WDR70: variants seen among roughly 807,000 people sequenced by gnomAD.
WDR70 encodes WD repeat-containing protein 70.
In WDR70, 53 loss-of-function variants were observed where a neutral mutation model predicts 88.6. The observed-to-expected ratio is 0.60, with a 90% CI of 0.48 to 0.75. The LOEUF (loss-of-function observed/expected upper bound fraction) is 0.75, where lower values mean the gene tolerates loss of function less well. Ranked by LOEUF, WDR70 falls within the 30% of genes least tolerant of loss-of-function variation. WDR70 has a pLI of 0.00. For synonymous variants in WDR70, 280 were observed against 270.0 expected, an observed-to-expected ratio of 1.04 and a Z score of -0.36; for missense variants, 610 against 823.2, an observed-to-expected ratio of 0.74 and a Z score of 3.17.
intron 9 of WDR70, among the ~76,000 whole-genome samples, chr5:37,521,868 C>T (rs938991144): frequency 3.3e-5 from 5 of 152,096 alleles, no homozygotes; most frequent in African/African-American, 1.2e-4. Flanking sequence ...ACTTCTTTTC[C>T]TCTGGATAGA....
chr5:37,528,819 T>G (rs752831687), intron 9 of WDR70, among the ~76,000 whole-genome samples: 11 of 152,092 alleles, frequency 7.2e-5, no homozygotes, highest in Non-Finnish European at 1.6e-4. Context: ...TTAGTTTAAT[T>G]GAGTCCCATT....
intron 8 of WDR70, among the ~76,000 whole-genome samples, chr5:37,493,820 A>G (rs1381872598): frequency 6.8e-5 from 10 of 146,034 alleles, no homozygotes; most frequent in Admixed American, 3.7e-4. Context: ...TTTGGGTAGG[A>G]GGAAGGAATA....
chr5:37,494,779 G>C (rs1192038495), intron 8 of WDR70, among the ~76,000 whole-genome samples: 1 of 152,244 alleles, frequency 6.6e-6, no homozygotes, highest in Non-Finnish European at 1.5e-5. Context: ...TCAGAATTGA[G>C]TAGGCCAAGG....
chr5:37,676,932 G>T (rs1451395291), intron 10 of WDR70, among the ~76,000 whole-genome samples: 2 of 152,204 alleles, frequency 1.3e-5, no homozygotes, highest in African/African-American at 4.8e-5. Context: ...GGTCTATTGA[G>T]AGATTCAGCT....
chr5:37,726,114 T>C (rs1193853285), intron 16 of WDR70, among the ~76,000 whole-genome samples: 1 of 152,176 alleles, frequency 6.6e-6, no homozygotes, highest in Non-Finnish European at 1.5e-5. Flanking sequence ...TGGATCCATC[T>C]CTTTCATAAA....
At chr5:37,497,506 T>C (rs1475461674) in intron 8 of WDR70, among the ~76,000 whole-genome samples, 83 of 66,734 alleles carry the variant, frequency 1.2e-3, no homozygotes, top group South Asian at 4.4e-3. Context: ...TCTTCCCGTC[T>C]CTTCCCTCTT....
At chr5:37,633,956 C>A (rs1744889286) in intron 10 of WDR70, among the ~76,000 whole-genome samples, 1 of 151,926 alleles carries the variant, frequency 6.6e-6, no homozygotes. Context: ...AGACTTGGAC[C>A]AAGTGATTCT....
intron 8 of WDR70, among the ~76,000 whole-genome samples, chr5:37,485,860 T>G (rs1212626041): frequency 2.2e-4 from 3 of 13,606 alleles, no homozygotes; most frequent in Admixed American, 1.0e-3. Flanking sequence ...CCTGGCTAAT[T>G]TTTTTTTTTT....
intron 10 of WDR70, among the ~76,000 whole-genome samples, chr5:37,619,475 A>G (rs749313197): frequency 3.9e-5 from 6 of 152,172 alleles, no homozygotes; most frequent in Non-Finnish European, 5.9e-5. Context: ...GCTATGATTT[A>G]TTTTGTAAGT....
chr5:37,750,531 C>T (rs2112749338), intron 17 of WDR70, among the ~76,000 whole-genome samples: 1 of 152,244 alleles, frequency 6.6e-6, no homozygotes, highest in South Asian at 2.1e-4. Flanking sequence ...AAGACCCTGT[C>T]TCTAAAAAAA....
At chr5:37,562,825 G>T (rs1400168021) in intron 9 of WDR70, among the ~76,000 whole-genome samples, 1 of 140,338 alleles carries the variant, frequency 7.1e-6, no homozygotes, top group Non-Finnish European at 1.6e-5. Flanking sequence ...AGAACAAAAT[G>T]AAAAGTCTCC....
chr5:37,683,453 T>TA (rs1746497403), intron 10 of WDR70, among the ~76,000 whole-genome samples: 1 of 152,220 alleles, frequency 6.6e-6, no homozygotes. Context: ...TCTTTGTACT[T>TA]AAGTGTGTTT....
intron 9 of WDR70, among the ~76,000 whole-genome samples, chr5:37,543,871 C>T (rs1973713): frequency 0.048 from 7,356 of 152,180 alleles, 579 homozygotes; most frequent in African/African-American, 0.16. Flanking sequence ...TGGGTTCAGG[C>T]GATTCTGCCA....
At chr5:37,416,320 G>A (rs1487001247) in intron 5 of WDR70, among the ~76,000 whole-genome samples, 1 of 152,186 alleles carries the variant, frequency 6.6e-6, no homozygotes, top group Non-Finnish European at 1.5e-5. Context: ...ACCAGCCTGG[G>A]CAACACAGCG....
chr5:37,535,019 A>G (rs188900607), intron 9 of WDR70, among the ~76,000 whole-genome samples: 1 of 152,156 alleles, frequency 6.6e-6, no homozygotes, highest in East Asian at 1.9e-4. Flanking sequence ...TTTGCTCACT[A>G]TGTGATCTAA....
At chr5:37,401,601 G>C (rs995358354) in intron 5 of WDR70, among the ~76,000 whole-genome samples, 4 of 152,100 alleles carry the variant, frequency 2.6e-5, no homozygotes, top group Non-Finnish European at 5.9e-5. Flanking sequence ...ACAGGAGTGA[G>C]CCACCTTACC....
intron 10 of WDR70, among the ~76,000 whole-genome samples, chr5:37,608,038 CTTTTTTTTTTTTT>C (rs11295618): frequency 3.0e-5 from 3 of 100,622 alleles, no homozygotes; most frequent in African/African-American, 1.1e-4. Context: ...CTGCAACACT[CTTTTTTTTTTTTT>C]TTTTTTTTGA....
intron 10 of WDR70, among the ~76,000 whole-genome samples, chr5:37,680,592 G>T (rs1211193664): frequency 6.6e-6 from 1 of 152,154 alleles, no homozygotes; most frequent in East Asian, 1.9e-4. Context: ...GTAAGGAACA[G>T]GTCCAGTTTC....
At chr5:37,681,854 A>C (rs1347411822) in intron 10 of WDR70, among the ~76,000 whole-genome samples, 1 of 152,080 alleles carries the variant, frequency 6.6e-6, no homozygotes, top group African/African-American at 2.4e-5. Flanking sequence ...GGATTTTTGC[A>C]TTGATGTTCA....
Sources: gnomAD v4.1 joint callset for allele counts (sites outside exome capture counted in the v4.1 genomes callset) on GRCh38, gnomAD v4.1.1 for gene constraint, MANE v1.5 for transcripts, NCBI Gene and HGNC (gene_info 2026-07-23, HGNC 2026-07-21) for gene names.